The following GRID2 variants were observed in gnomAD, a reference collection of about 807,000 sequenced individuals.
GRID2 encodes glutamate ionotropic receptor delta type subunit 2, also known as glutamate receptor ionotropic, delta-2.
In GRID2, 33 loss-of-function variants were observed where a neutral mutation model predicts 114.8. That is an observed-to-expected ratio of 0.29 (90% confidence interval 0.22 to 0.38). The LOEUF (loss-of-function observed/expected upper bound fraction) is 0.38, where lower values mean the gene tolerates loss of function less well. Ranked by LOEUF, GRID2 falls within the 10% of genes least tolerant of loss-of-function variation. GRID2 has a pLI of 1.00. For missense variants in GRID2, 1,184 were observed against 1,257.7 expected (o/e 0.94, Z 0.89); for synonymous variants, 505 against 449.9 (o/e 1.12, Z -1.55).
At chr4:92,566,468 C>A (rs759574335) in intron 1 of GRID2, among the ~76,000 whole-genome samples, 17 of 151,962 alleles carry the variant, frequency 1.1e-4, no homozygotes, top group South Asian at 2.1e-4. Context: ...TTAAGCCTGA[C>A]TGGATCTATT....
At position 93,354,931 on chromosome 4, in the gene GRID2, G is replaced by T. The variant is rs577564044; in HGVS notation, c.1246-40676G>T. On this transcript the variant is annotated intron_variant, in intron 8 of 15. Coordinates refer to ENST00000282020, the MANE Select transcript of GRID2 (RefSeq NM_001510.4). ...AGATATTTTTGCCTGGTTGCCCCCT[G>T]AGTGTGTGAAACTGAGCTTATTTTT... Among the ~76,000 whole-genome samples the T allele has an allele frequency of 1.3e-4, 18 of 135,824 alleles. No homozygotes were observed. The East Asian group carries it at 3.6e-3, about 27-fold the overall frequency. 89.1% of individuals were successfully genotyped at this position (135,824 alleles called of 152,430 possible). A position where few individuals can be genotyped will look rare whatever the true frequency, so the allele number is the denominator to read the frequency against.
At chr4:93,126,568 T>C (rs1378245385) in intron 4 of GRID2, among the ~76,000 whole-genome samples, 3 of 149,552 alleles carry the variant, frequency 2.0e-5, no homozygotes, top group Non-Finnish European at 4.4e-5. Flanking sequence ...TGACAGTCAT[T>C]GATAACTATT....
At chr4:92,709,589 A>AAAATATATATATATAT (rs779775767) in intron 2 of GRID2, among the ~76,000 whole-genome samples, 3 of 114,660 alleles carry the variant, frequency 2.6e-5, no homozygotes, top group African/African-American at 1.0e-4. Context: ...AAAAAAAAAA[A>AAAATATATATATATAT]ATATATATAT....
chr4:92,565,609 A>G (rs138211614), intron 1 of GRID2, among the ~76,000 whole-genome samples: 1 of 151,932 alleles, frequency 6.6e-6, no homozygotes, highest in Admixed American at 6.6e-5. Flanking sequence ...CTAGACTATA[A>G]TCTCTTCAAG....
chr4:93,473,893 A>G (rs76604334), intron 11 of GRID2, among the ~76,000 whole-genome samples: 535 of 152,228 alleles, frequency 3.5e-3, no homozygotes, highest in Admixed American at 6.7e-3. Flanking sequence ...AGCAGCAAAT[A>G]CATATTTTTT....
At chr4:93,047,629 A>G (rs1726277445) in intron 2 of GRID2, among the ~76,000 whole-genome samples, 1 of 152,066 alleles carries the variant, frequency 6.6e-6, no homozygotes, top group Non-Finnish European at 1.5e-5. Flanking sequence ...GAATTATTGT[A>G]CTTATCATAG....
At chr4:93,021,633 C>G (rs1464448251) in intron 2 of GRID2, among the ~76,000 whole-genome samples, 2 of 142,338 alleles carry the variant, frequency 1.4e-5, no homozygotes, top group Admixed American at 1.4e-4. Context: ...TATATTATCA[C>G]TATATTATAA....
chr4:92,615,195 C>G (rs575827599), intron 2 of GRID2, among the ~76,000 whole-genome samples: 1 of 151,592 alleles, frequency 6.6e-6, no homozygotes, highest in East Asian at 2.0e-4. Flanking sequence ...CATGGTCTTT[C>G]TTTGATACAT....
At chr4:93,681,855 A>G (rs1725581309) in intron 14 of GRID2, among the ~76,000 whole-genome samples, 1 of 152,186 alleles carries the variant, frequency 6.6e-6, no homozygotes, top group African/African-American at 2.4e-5. Flanking sequence ...ATTACCATTC[A>G]GGACATAGGC....
At chr4:92,759,514 T>C (rs577947858) in intron 2 of GRID2, among the ~76,000 whole-genome samples, 171 of 152,272 alleles carry the variant, frequency 1.1e-3, no homozygotes, top group African/African-American at 4.1e-3. Flanking sequence ...GCTTGACTTT[T>C]ACCTCTTACA....
chr4:93,342,243 T>C (rs538199720), intron 8 of GRID2, among the ~76,000 whole-genome samples: 5 of 152,250 alleles, frequency 3.3e-5, no homozygotes, highest in Non-Finnish European at 7.4e-5. Flanking sequence ...TTTTCCATCC[T>C]TAGCCCTTTG....
In GRID2 at chr4:93,110,758, A is replaced by G; in HGVS notation, c.540A>G (p.Gly180=). The G allele has an allele frequency of 6.2e-7, 1 of 1,607,602 alleles. No individual in the cohort carries two copies. Among genetic ancestry groups the G allele is most frequent in the Non-Finnish European group, 8.5e-7 (1 of 1,174,024 alleles). The change falls in exon 4 of 16, where the codon GGA becomes GGG. Residue 180 remains glycine, a synonymous_variant. Transcript: ENST00000282020. ...TTTTGATGTTTCCAGATATCCGTGG[A>G]ATACAGGAGTTCTTGGACAAAGTCT... The part of the protein sequence containing the change: ...IFYDSEYDIR[G]IQEFLDKVSQ...
chr4:93,017,182 C>T (rs1414522692), intron 2 of GRID2, among the ~76,000 whole-genome samples: 1 of 151,934 alleles, frequency 6.6e-6, no homozygotes, highest in Non-Finnish European at 1.5e-5. Context: ...TTGGGCAAAA[C>T]CAAGAATAGG....
chr4:93,461,381 A>G (rs915782399), intron 11 of GRID2, among the ~76,000 whole-genome samples: 2 of 152,148 alleles, frequency 1.3e-5, no homozygotes, highest in African/African-American at 4.8e-5. Flanking sequence ...GTGTCCATGT[A>G]TAGGCAATTG....
chr4:92,413,442 C>A (rs1352805403), intron 1 of GRID2, among the ~76,000 whole-genome samples: 6 of 152,068 alleles, frequency 3.9e-5, no homozygotes, highest in African/African-American at 1.4e-4. Context: ...TAGATTTACA[C>A]CTTGAGTTTG....
In GRID2 at chr4:93,614,318, G is replaced by A. The variant is rs573885738; in HGVS notation, c.2194-11951G>A. On this transcript the variant is annotated intron_variant, in intron 13 of 15. Transcript: ENST00000282020. ...CTGTAGACCGGAGCTGTTCCTATTC[G>A]GCCATCTTGGCTCCTCCCCCCTGAA... Among the ~76,000 whole-genome samples, 12 of 151,888 alleles carry A rather than the reference G, an allele frequency of 7.9e-5. No homozygotes were observed. In the South Asian group the frequency reaches 1.9e-3, roughly 24 times the overall value.
At chr4:92,646,539 A>G (rs1357789447) in intron 2 of GRID2, among the ~76,000 whole-genome samples, 1 of 152,014 alleles carries the variant, frequency 6.6e-6, no homozygotes, top group Admixed American at 6.5e-5. Context: ...GAAATGCTAT[A>G]GTTTTAGCTT....
intron 4 of GRID2, among the ~76,000 whole-genome samples, chr4:93,118,549 C>T (rs1258378793): frequency 6.6e-6 from 1 of 152,176 alleles, no homozygotes; most frequent in Non-Finnish European, 1.5e-5. Context: ...TCACATTCTT[C>T]TCTAACTTCC....
At chr4:93,078,923 T>C (rs1002814924) in intron 2 of GRID2, among the ~76,000 whole-genome samples, 3 of 147,420 alleles carry the variant, frequency 2.0e-5, no homozygotes, top group Non-Finnish European at 3.0e-5. Flanking sequence ...ATTTTATATA[T>C]AAATTTTATA....
Sources: allele counts gnomAD v4.1 joint callset (sites outside exome capture counted in the v4.1 genomes callset), GRCh38; gene constraint gnomAD v4.1.1; transcripts MANE v1.5; gene names NCBI Gene and HGNC (gene_info 2026-07-23, HGNC 2026-07-21).